The following KCNQ3 variants were observed in gnomAD, a reference collection of about 807,000 sequenced individuals.
KCNQ3 encodes potassium voltage-gated channel subfamily KQT member 3.
In KCNQ3, 30 loss-of-function variants were observed where a neutral mutation model predicts 92.5. That is an observed-to-expected ratio of 0.32 (90% CI 0.24 to 0.44). The LOEUF (loss-of-function observed/expected upper bound fraction) is 0.44. Ranked by LOEUF, KCNQ3 falls within the 20% of genes least tolerant of loss-of-function variation. The probability of loss-of-function intolerance (pLI) is 1.00; values close to 1 mark genes in which losing one functional copy is unlikely to be tolerated. For missense variants in KCNQ3, 913 were observed against 1,140.3 expected (o/e 0.80, Z 2.87); for synonymous variants, 450 against 468.8 (o/e 0.96, Z 0.52).
chr8:132,165,806 T>C (rs1826127664), intron 8 of KCNQ3, among the ~76,000 whole-genome samples: 2 of 152,246 alleles, frequency 1.3e-5, no homozygotes, highest in South Asian at 4.1e-4. Flanking sequence ...GCAAGCTAAT[T>C]AATCTCATTG....
chr8:132,442,703 G>A (rs138250806), intron 1 of KCNQ3, among the ~76,000 whole-genome samples: 2 of 152,226 alleles, frequency 1.3e-5, no homozygotes, highest in Non-Finnish European at 2.9e-5. Flanking sequence ...GACCTATGAG[G>A]TCAAGGCATT....
intron 1 of KCNQ3, among the ~76,000 whole-genome samples, chr8:132,267,525 G>A (rs559220926): frequency 5.9e-5 from 9 of 152,206 alleles, no homozygotes; most frequent in African/African-American, 2.2e-4. Flanking sequence ...AAACCTCAGG[G>A]CCTCTTTATG....
At chr8:132,475,149 CTG>C (rs1822380837) in intron 1 of KCNQ3, among the ~76,000 whole-genome samples, 2 of 152,204 alleles carry the variant, frequency 1.3e-5, no homozygotes, top group South Asian at 4.1e-4. Context: ...CCATGCAGAA[CTG>C]TGAGTCAACT....
intron 1 of KCNQ3, among the ~76,000 whole-genome samples, chr8:132,237,129 G>T (rs1047619676): frequency 1.3e-5 from 2 of 152,170 alleles, no homozygotes; most frequent in Non-Finnish European, 2.9e-5. Flanking sequence ...GCTAACAAAA[G>T]GGTCTTTTTT....
At chr8:132,324,307 A>T (rs1445188402) in intron 1 of KCNQ3, among the ~76,000 whole-genome samples, 2 of 152,124 alleles carry the variant, frequency 1.3e-5, no homozygotes, top group Non-Finnish European at 2.9e-5. Context: ...CTCTCTTCTC[A>T]GCAAAACTAT....
At chr8:132,172,182 A>G (rs888954454) in intron 7 of KCNQ3, among the ~76,000 whole-genome samples, 1 of 151,840 alleles carries the variant, frequency 6.6e-6, no homozygotes, top group South Asian at 2.1e-4. Flanking sequence ...TCTCAAAAAA[A>G]ACTCAAAAAA....
In KCNQ3 at chr8:132,480,629, A is replaced by G; in HGVS notation, c.-97T>C. Reference sequence around the variant, plus strand: ...GAACGAGGCGGCGGCGGCGGCTGCAAGCCCGGGAACTCCAATGCCATGATC... The same window carrying G: ...GAACGAGGCGGCGGCGGCGGCTGCAGGCCCGGGAACTCCAATGCCATGATC... On this transcript the variant is annotated 5_prime_UTR_variant, in exon 1 of 15. Coordinates refer to ENST00000388996, the MANE Select transcript of KCNQ3 (RefSeq NM_004519.4). The G allele has an allele frequency of 1.7e-6, 2 of 1,168,772 alleles. No individual in the cohort carries two copies. Among genetic ancestry groups the G allele is most frequent in the Admixed American group, 2.9e-5 (1 of 34,146 alleles). 72.4% of individuals were successfully genotyped at this position (1,168,772 alleles called of 1,614,324 possible). A position where few individuals can be genotyped will look rare whatever the true frequency, so the allele number is the denominator to read the frequency against.
intron 1 of KCNQ3, among the ~76,000 whole-genome samples, chr8:132,409,122 G>A (rs73347712): frequency 0.061 from 9,215 of 152,266 alleles, 305 homozygotes; most frequent in South Asian, 0.12. Context: ...ACCTAGGGGT[G>A]ACAAATACAA....
intron 1 of KCNQ3, among the ~76,000 whole-genome samples, chr8:132,195,698 C>T (rs1371732510): frequency 2.0e-5 from 3 of 152,104 alleles, no homozygotes; most frequent in African/African-American, 7.2e-5. Flanking sequence ...AAACCAGGTT[C>T]CCCCCAAATC....
At chr8:132,173,498 G>C (rs1255161541) in intron 6 of KCNQ3, among the ~76,000 whole-genome samples, 1 of 152,044 alleles carries the variant, frequency 6.6e-6, no homozygotes, top group Non-Finnish European at 1.5e-5. Flanking sequence ...AGTGGACTTG[G>C]GATTCCTGGC....
chr8:132,348,653 G>A (rs563694414), intron 1 of KCNQ3, among the ~76,000 whole-genome samples: 6 of 152,240 alleles, frequency 3.9e-5, no homozygotes, highest in South Asian at 2.1e-4. Context: ...AGAGGCTGGC[G>A]GATCCACCTT....
At chr8:132,469,715 C>G (rs564699869) in intron 1 of KCNQ3, among the ~76,000 whole-genome samples, 2 of 151,928 alleles carry the variant, frequency 1.3e-5, no homozygotes, top group African/African-American at 2.4e-5. Flanking sequence ...GGACCCTGAT[C>G]GGTGGGAAAA....
At chr8:132,417,104 G>A (rs1230205648) in intron 1 of KCNQ3, among the ~76,000 whole-genome samples, 1 of 152,214 alleles carries the variant, frequency 6.6e-6, no homozygotes, top group Non-Finnish European at 1.5e-5. Context: ...CTGACAGGCT[G>A]TACGAGTCTG....
intron 1 of KCNQ3, among the ~76,000 whole-genome samples, chr8:132,253,793 G>A (rs757223373): frequency 3.4e-4 from 52 of 152,208 alleles, no homozygotes; most frequent in South Asian, 6.2e-4. Context: ...AACCATGATC[G>A]ATTTTACAGT....
At chr8:132,300,343 G>A (rs1817176492) in intron 1 of KCNQ3, among the ~76,000 whole-genome samples, 1 of 152,176 alleles carries the variant, frequency 6.6e-6, no homozygotes, top group African/African-American at 2.4e-5. Flanking sequence ...CCCTGCACAG[G>A]GACAAGAATA....
At chr8:132,474,373 T>C (rs1587054834) in intron 1 of KCNQ3, among the ~76,000 whole-genome samples, 2 of 152,028 alleles carry the variant, frequency 1.3e-5, no homozygotes, top group Middle Eastern at 3.2e-3. Flanking sequence ...CACAAAGCAG[T>C]CCAGATGTGA....
In KCNQ3 at chr8:132,129,283, G is replaced by C; in HGVS notation, c.2598C>G (p.Thr866=). The part of the protein sequence containing the change: ...TGDGISDSVW[T]PSNKPI ...TCTTTTAAATGGGCTTATTGGAAGG[G>C]GTCCATACTGAATCAGAAATCCCAT... is the stretch of plus-strand genomic sequence containing the variant. The change falls in exon 15 of 15, where the codon ACC becomes ACG. Residue 866 remains threonine, a synonymous_variant. Coordinates refer to ENST00000388996, the MANE Select transcript of KCNQ3 (RefSeq NM_004519.4). The surrounding 1 kb of genome is among the most constrained non-coding windows in gnomAD (Gnocchi z 5.9). The C allele has an allele frequency of 6.2e-7, 1 of 1,613,050 alleles. No individual in the cohort carries two copies. The highest frequency in any genetic ancestry group is 8.5e-7 in the Non-Finnish European group (1 of 1,180,028).
At chr8:132,448,044 CA>C (rs1351149422) in intron 1 of KCNQ3, among the ~76,000 whole-genome samples, 2 of 152,170 alleles carry the variant, frequency 1.3e-5, no homozygotes, top group Admixed American at 1.3e-4. Context: ...TAAGCAGCTA[CA>C]AATGTGCCTG....
intron 1 of KCNQ3, among the ~76,000 whole-genome samples, chr8:132,300,852 T>C (rs1028479751): frequency 3.3e-5 from 5 of 152,178 alleles, no homozygotes; most frequent in Non-Finnish European, 7.3e-5. Context: ...CACCGATCAC[T>C]GGGCATGATG....
Sources: gnomAD v4.1 joint callset for allele counts (sites outside exome capture counted in the v4.1 genomes callset) on GRCh38, gnomAD v4.1.1 for gene constraint, Gnocchi (gnomAD v3.1) non-coding constraint, MANE v1.5 for transcripts, NCBI Gene and HGNC (gene_info 2026-07-23, HGNC 2026-07-21) for gene names.